DNAI3: variants seen among roughly 807,000 people sequenced by gnomAD.
DNAI3 encodes dynein axonemal intermediate chain 3.
Under a neutral mutation model 115.5 loss-of-function variants are expected in DNAI3, and 83 were observed. That is an observed-to-expected ratio of 0.72 (90% CI 0.60 to 0.86). The LOEUF (loss-of-function observed/expected upper bound fraction) is 0.86. Among genes scored for constraint, DNAI3 ranks in the 40% least tolerant of loss-of-function variants. The pLI is 0.00. For missense variants in DNAI3, 1,004 were observed against 1,075.8 expected (o/e 0.93, Z 0.93); for synonymous variants, 320 against 347.0 (o/e 0.92, Z 0.86).
chr1:85,132,702 T>C (rs817477), intron 22 of DNAI3, among the ~76,000 whole-genome samples, 153 bp from the exon 23 acceptor site: 55,873 of 151,788 alleles, frequency 0.37, 10,946 homozygotes, highest in African/African-American at 0.51. Flanking sequence ...GACTGCCTCC[T>C]GCCCACCTGC....
Position 85,068,939 on chromosome 1 carries a change from T to C in DNAI3, c.-14-2989T>C, listed in dbSNP as rs76579621. Among the ~76,000 whole-genome samples the C allele has an allele frequency of 2.6e-3, 396 of 152,320 alleles. 14 individuals carry two copies. In the East Asian group the frequency reaches 0.051, roughly 20 times the overall value. On this transcript the variant is annotated intron_variant, in intron 1 of 22. Transcript: ENST00000294664. ...CTTGCTTTTTTCTCTGCTGTGAAAG[T>C]GGTATGTGTGAAATAAGGCCTGCTT...
chr1:85,101,727 CA>C (rs72166976), intron 13 of DNAI3, among the ~76,000 whole-genome samples: 48 of 14,420 alleles, frequency 3.3e-3, no homozygotes, highest in Middle Eastern at 0.071. Context: ...GACTCCATCT[CA>C]AAAAAAAAAA....
chr1:85,088,402 T>C (rs1654861711), intron 7 of DNAI3, among the ~76,000 whole-genome samples: 1 of 152,214 alleles, frequency 6.6e-6, no homozygotes, highest in Admixed American at 6.5e-5. Context: ...CCTAGGTGAC[T>C]GGGAGAATGC....
intron 13 of DNAI3, among the ~76,000 whole-genome samples, chr1:85,103,835 T>C (rs898289019): frequency 2.7e-5 from 4 of 150,882 alleles, no homozygotes; most frequent in Admixed American, 2.6e-4. Context: ...TGCAGTGAGC[T>C]GAGATTGTGC....
intron 13 of DNAI3, among the ~76,000 whole-genome samples, chr1:85,100,981 G>A (rs111877621): frequency 6.6e-5 from 10 of 151,840 alleles, no homozygotes; most frequent in African/African-American, 2.4e-4. Context: ...TGTGGGGTGG[G>A]GGGAGGAGGG....
chr1:85,090,175 A>G lies in DNAI3; in HGVS notation c.800A>G (p.Lys267Arg). ...CCAAGAGAATTCTCAGAAGAGGAAA[A>G]AGAGACACTCAAACAATCAAAGCCT... is the stretch of plus-strand genomic sequence containing the variant. ...YYPREFSEEEKETLKQSKPLV... is the reference protein window; with the variant it reads ...YYPREFSEEERETLKQSKPLV... The change falls in exon 8 of 23, where the codon AAA (lysine) becomes AGA (arginine). Residue 267 changes from lysine (K) to arginine (R), a missense_variant. Physicochemically the swap from Lys to Arg is conservative, Grantham distance 26. Coordinates refer to ENST00000294664, the MANE Select transcript of DNAI3 (RefSeq NM_145172.5). The G allele has an allele frequency of 6.3e-7, 1 of 1,594,618 alleles. No homozygotes were observed.
intron 1 of DNAI3, among the ~76,000 whole-genome samples, chr1:85,069,962 T>C (rs1182268987): frequency 1.3e-5 from 2 of 152,168 alleles, no homozygotes; most frequent in African/African-American, 4.8e-5. Flanking sequence ...ATTGATTAGA[T>C]AATAAAATCC....
Position 85,108,076 on chromosome 1 carries a change from C to T in DNAI3, c.1597C>T (p.Pro533Ser), listed in dbSNP as rs763626516. The change falls in exon 15 of 23, where the codon CCC becomes TCC. Residue 533 changes from proline (P) to serine (S), a missense_variant. By Grantham distance (74) the Pro-to-Ser change is moderately conservative. Coordinates refer to ENST00000294664, the MANE Select transcript of DNAI3 (RefSeq NM_145172.5). ...TATTAGACCACAGAAACCTTTAACCCCCCAAACAACAGAGAAAAAGAAGGA... is the reference window on the plus strand; with the variant it reads ...TATTAGACCACAGAAACCTTTAACCTCCCAAACAACAGAGAAAAAGAAGGA... ...WDIRPQKPLT[P>S]QTTEKKKEES... 2.1e-5 allele frequency: 33 copies of T among 1,608,428 alleles called. No homozygotes were observed. Among genetic ancestry groups the T allele is most frequent in the Non-Finnish European group, 2.5e-6 (3 of 1,177,810 alleles).
intron 13 of DNAI3, among the ~76,000 whole-genome samples, chr1:85,102,002 C>G (rs929976261): frequency 1.3e-5 from 2 of 151,726 alleles, no homozygotes; most frequent in Non-Finnish European, 2.9e-5. Context: ...TAAGACCAGC[C>G]TGGGCAACAT....
chr1:85,076,172 C>A (rs1654447171), intron 3 of DNAI3, among the ~76,000 whole-genome samples: 3 of 152,116 alleles, frequency 2.0e-5, no homozygotes, highest in Non-Finnish European at 4.4e-5. Context: ...TTCTCTATGA[C>A]CTCTGTTTCC....
At chr1:85,099,702 C>T (rs1335498876) in intron 13 of DNAI3, among the ~76,000 whole-genome samples, 7 of 152,332 alleles carry the variant, frequency 4.6e-5, no homozygotes, top group African/African-American at 1.2e-4. Context: ...GGAGGCATCA[C>T]GCTACCTGAC....
At chr1:85,108,208 G>C (rs766901875) in intron 15 of DNAI3, 31 bp downstream of exon 15, 1 of 1,545,660 alleles carries the variant, frequency 6.5e-7, no homozygotes, top group Non-Finnish European at 8.7e-7. Flanking sequence ...AGTCCATCCT[G>C]CTTGCATAAT....
intron 8 of DNAI3, 48 bp downstream of exon 8, chr1:85,090,280 T>C: frequency 2.7e-6 from 3 of 1,105,906 alleles, no homozygotes; most frequent in Non-Finnish European, 2.5e-6. Context: ...AAAATGTATA[T>C]GTTTACATAG....
At chr1:85,079,364 A>G (rs1654556623) in intron 3 of DNAI3, among the ~76,000 whole-genome samples, 1 of 152,214 alleles carries the variant, frequency 6.6e-6, no homozygotes, top group Admixed American at 6.5e-5. Context: ...GCATATAATC[A>G]GTGTTATGCA....
intron 1 of DNAI3, among the ~76,000 whole-genome samples, chr1:85,068,513 C>G (rs1654166640): frequency 6.6e-6 from 1 of 152,196 alleles, no homozygotes; most frequent in Non-Finnish European, 1.5e-5. Context: ...TGTCTCGCAG[C>G]TGGATTTCCT....
intron 10 of DNAI3, among the ~76,000 whole-genome samples, chr1:85,095,099 CA>C (rs1209518222): frequency 2.6e-5 from 4 of 152,102 alleles, no homozygotes; most frequent in African/African-American, 9.7e-5. Flanking sequence ...AGCCAAAACA[CA>C]CAAAAACCCC....
intron 1 of DNAI3, among the ~76,000 whole-genome samples, chr1:85,065,631 G>A (rs1654075314): frequency 6.6e-6 from 1 of 152,136 alleles, no homozygotes. Context: ...ATAGTCTTTT[G>A]TGATAGTTCT....
At chr1:85,083,357 C>T (rs985353371) in intron 5 of DNAI3, among the ~76,000 whole-genome samples, 7 of 151,942 alleles carry the variant, frequency 4.6e-5, no homozygotes, top group Non-Finnish European at 7.4e-5. Context: ...CATGGTAGCA[C>T]GTGCCTGTAG....
chr1:85,084,056 G>T (rs1654711263), intron 5 of DNAI3, among the ~76,000 whole-genome samples: 2 of 149,712 alleles, frequency 1.3e-5, no homozygotes, highest in African/African-American at 2.4e-5. Flanking sequence ...CTGCTCTATG[G>T]AATTTTATTT....
Sources: allele counts gnomAD v4.1 joint callset (sites outside exome capture counted in the v4.1 genomes callset), GRCh38; gene constraint gnomAD v4.1.1; transcripts MANE v1.5; gene names NCBI Gene and HGNC (gene_info 2026-07-23, HGNC 2026-07-21).